Variants in KAZN observed in about 807,000 individuals in gnomAD.
KAZN encodes the protein kazrin, periplakin interacting protein.
In KAZN, 40 loss-of-function variants were observed where a neutral mutation model predicts 87.4. The ratio of observed to expected loss-of-function variants is 0.46; its 90% CI spans 0.36 to 0.60. The LOEUF (loss-of-function observed/expected upper bound fraction) is 0.60, where lower values mean the gene tolerates loss of function less well. Among genes scored for constraint, KAZN ranks in the 20% least tolerant of loss-of-function variants. The pLI is 0.00. For synonymous variants in KAZN, 466 were observed against 458.3 expected (o/e 1.02, Z -0.22); for missense variants, 898 against 1,073.9 (o/e 0.84, Z 2.29).
chr1:14,255,101 C>G (rs1342921409), intron 2 of KAZN, among the ~76,000 whole-genome samples: 3 of 113,274 alleles, frequency 2.6e-5, no homozygotes, highest in Non-Finnish European at 5.0e-5. Context: ...GTCTGGGCAA[C>G]AGACCAAGAC....
At chr1:13,915,726 G>A (rs1217946598) in intron 1 of KAZN, among the ~76,000 whole-genome samples, 1 of 151,652 alleles carries the variant, frequency 6.6e-6, no homozygotes, top group East Asian at 1.9e-4. Flanking sequence ...CTTGCTATTC[G>A]CTTTTTAGCA....
At chr1:14,525,677 A>G (rs554404282) in intron 2 of KAZN, among the ~76,000 whole-genome samples, 15 of 146,852 alleles carry the variant, frequency 1.0e-4, no homozygotes, top group African/African-American at 3.7e-4. Context: ...TGCATTTCCC[A>G]TAGGAAAAAA....
At position 14,688,921 on chromosome 1, in the gene KAZN, C is replaced by T. The variant is rs183187014; in HGVS notation, c.226+89698C>T. Among the ~76,000 whole-genome samples, 1,017 of 152,216 alleles carry T rather than the reference C, an allele frequency of 6.7e-3. 14 individuals carry two copies. Among genetic ancestry groups the T allele is most frequent in the African/African-American group, 0.022 (933 of 41,546 alleles). On this transcript the variant is annotated intron_variant, in intron 1 of 14. Coordinates refer to ENST00000376030, the MANE Select transcript of KAZN (RefSeq NM_201628.3). ...AAGAGTTGATTGGTAAGGCTGGGCG[C>T]GGTGGCTCACGCCTGTAATCCTAGC...
intron 1 of KAZN, among the ~76,000 whole-genome samples, chr1:14,712,667 G>A (rs1642547727): frequency 6.6e-6 from 1 of 152,154 alleles, no homozygotes; most frequent in Non-Finnish European, 1.5e-5. Flanking sequence ...CCTGACAGTT[G>A]CTAAATCATC....
intron 1 of KAZN, among the ~76,000 whole-genome samples, chr1:14,750,844 A>G (rs921034714): frequency 1.3e-5 from 2 of 152,204 alleles, no homozygotes; most frequent in African/African-American, 4.8e-5. Flanking sequence ...GGGTTCTCCC[A>G]TCATGAGGCT....
At chr1:14,883,310 A>AGAGAGAGAGAGAGAGAGAGAGAG (rs1653552012) in intron 1 of KAZN, among the ~76,000 whole-genome samples, 1 of 49,358 alleles carries the variant, frequency 2.0e-5, no homozygotes, top group Non-Finnish European at 4.2e-5. Context: ...GAAAGAAAGA[A>AGAGAGAGAGAGAGAGAGAGAGAG]AGAAAGAAAG....
intron 2 of KAZN, among the ~76,000 whole-genome samples, chr1:14,329,019 C>G (rs570696795): frequency 6.6e-6 from 1 of 152,162 alleles, no homozygotes; most frequent in South Asian, 2.1e-4. Context: ...CTACCTTAAC[C>G]AAAGACAAAT....
intron 1 of KAZN, among the ~76,000 whole-genome samples, chr1:14,055,268 C>T (rs1405838859): frequency 6.6e-6 from 1 of 152,190 alleles, no homozygotes; most frequent in Non-Finnish European, 1.5e-5. Flanking sequence ...GTGTAATAAA[C>T]TCAGAATATT....
chr1:14,170,728 A>AC (rs1553139029), intron 1 of KAZN, among the ~76,000 whole-genome samples: 6 of 151,422 alleles, frequency 4.0e-5, no homozygotes, highest in Middle Eastern at 3.4e-3. Flanking sequence ...TTCTGTAATT[A>AC]TTTTTTTTTC....
chr1:14,108,199 C>T (rs1417511440), intron 1 of KAZN, among the ~76,000 whole-genome samples: 1 of 151,994 alleles, frequency 6.6e-6, no homozygotes, highest in Non-Finnish European at 1.5e-5. Context: ...ATCTTATTCA[C>T]CTTCAGGTCT....
At chr1:14,855,535 C>G (rs112959500) in intron 1 of KAZN, among the ~76,000 whole-genome samples, 1 of 152,154 alleles carries the variant, frequency 6.6e-6, no homozygotes, top group Admixed American at 6.5e-5. Context: ...TGAGATGGGT[C>G]GGGTCACTGA....
At chr1:14,596,308 GCACACACA>G (rs56758780), upstream of KAZN, among the ~76,000 whole-genome samples, 1,349 of 150,276 alleles carry the variant, frequency 9.0e-3, 19 homozygotes, top group Non-Finnish European at 9.8e-3. Flanking sequence ...ACACGTGTGC[GCACACACA>G]CACACACACA....
chr1:14,561,558 G>A (rs1337945230), intron 2 of KAZN, among the ~76,000 whole-genome samples: 2 of 152,126 alleles, frequency 1.3e-5, no homozygotes, highest in Non-Finnish European at 2.9e-5. Flanking sequence ...TCACATCCCG[G>A]AAGCTGGAGT....
chr1:14,873,559 A>G (rs1035681991), intron 1 of KAZN, among the ~76,000 whole-genome samples: 3 of 152,164 alleles, frequency 2.0e-5, no homozygotes, highest in African/African-American at 7.2e-5. Context: ...GTGGGAGGAG[A>G]GGAAATGTAA....
intron 2 of KAZN, among the ~76,000 whole-genome samples, chr1:14,585,556 G>A (rs967997742): frequency 7.9e-5 from 12 of 152,188 alleles, no homozygotes; most frequent in African/African-American, 2.9e-4. Flanking sequence ...ACACATTCAA[G>A]GTCCCTGCTT....
At chr1:14,430,755 G>A (rs1028423697) in intron 2 of KAZN, among the ~76,000 whole-genome samples, 1 of 152,234 alleles carries the variant, frequency 6.6e-6, no homozygotes, top group African/African-American at 2.4e-5. Flanking sequence ...CAGCCCAGTT[G>A]AGAAGTGACT....
chr1:14,363,924 T>C (rs1401017763), intron 2 of KAZN, among the ~76,000 whole-genome samples: 1 of 152,096 alleles, frequency 6.6e-6, no homozygotes, highest in East Asian at 1.9e-4. Flanking sequence ...TGTGTATGTA[T>C]TTTTTGGTAA....
intron 1 of KAZN, among the ~76,000 whole-genome samples, chr1:14,087,074 GGGA>G (rs1383168815): frequency 2.0e-5 from 3 of 152,142 alleles, no homozygotes; most frequent in Non-Finnish European, 1.5e-5. Flanking sequence ...AATTTGACTA[GGGA>G]GAACGGACGT....
At chr1:14,270,469 A>G (rs971053084) in intron 2 of KAZN, among the ~76,000 whole-genome samples, 1 of 152,194 alleles carries the variant, frequency 6.6e-6, no homozygotes, top group African/African-American at 2.4e-5. Flanking sequence ...CACCCATTAC[A>G]TGCATTAAGT....
Sources: allele counts gnomAD v4.1 joint callset (sites outside exome capture counted in the v4.1 genomes callset), GRCh38; gene constraint gnomAD v4.1.1; transcripts MANE v1.5; gene names NCBI Gene and HGNC (gene_info 2026-07-23, HGNC 2026-07-21).